Variants in SLCO4A1 observed in about 807,000 individuals in gnomAD.
SLCO4A1 encodes solute carrier organic anion transporter family member 4A1.
In SLCO4A1, 51 loss-of-function variants were observed where a neutral mutation model predicts 64.6. That is an observed-to-expected ratio of 0.79 (90% confidence interval 0.63 to 1.00). The LOEUF is 1.00. Among genes scored for constraint, SLCO4A1 ranks in the 50% least tolerant of loss-of-function variants. The pLI, the probability that SLCO4A1 is intolerant of heterozygous loss-of-function variation, is 0.00. For missense variants in SLCO4A1, 919 were observed against 980.5 expected (o/e 0.94, Z 0.84); for synonymous variants, 471 against 444.9 (o/e 1.06, Z -0.74).
chr20:62,668,830 A>G (rs780841703), intron 10 of SLCO4A1, 100 bp from the exon 11 acceptor site: 33 of 1,256,030 alleles, frequency 2.6e-5, no homozygotes, highest in Non-Finnish European at 3.2e-5. Flanking sequence ...GGCCAGTATC[A>G]CCTTCCCAGA....
At position 62,661,728 on chromosome 20, in the gene SLCO4A1, C is replaced by T. The variant is rs181735540; in HGVS notation, c.1121+553C>T. 6.6e-6 allele frequency among the ~76,000 whole-genome samples: 1 copy of T among 152,120 alleles called. No individual in the cohort carries two copies. The highest frequency in any genetic ancestry group is 1.5e-5 in the Non-Finnish European group (1 of 67,962). On this transcript the variant is annotated intron_variant, in intron 5 of 11. Coordinates refer to ENST00000217159, the MANE Select transcript of SLCO4A1 (RefSeq NM_016354.4). The surrounding 1 kb of genome is among the most constrained non-coding windows in gnomAD (Gnocchi z 5.2). ...CCTCTACCCGGCGTGTCCCGCTCAC[C>T]CTCTGGGGAGGTTGCTTGCTTTGCC...
At chr20:62,690,423 C>T (rs996936388), downstream of SLCO4A1, among the ~76,000 whole-genome samples, 5 of 152,180 alleles carry the variant, frequency 3.3e-5, no homozygotes, top group Non-Finnish European at 7.3e-5. Context: ...CCCGGGAATC[C>T]CAGCCACAGA....
intron 2 of SLCO4A1, among the ~76,000 whole-genome samples, chr20:62,678,331 C>T (rs1274968278): frequency 1.3e-5 from 2 of 152,158 alleles, no homozygotes; most frequent in African/African-American, 4.8e-5. Context: ...ATGCCAAGTG[C>T]TGATGAGGAC....
chr20:62,673,633 C>G (rs530782440), downstream of SLCO4A1, among the ~76,000 whole-genome samples: 1 of 144,870 alleles, frequency 6.9e-6, no homozygotes, highest in East Asian at 2.0e-4. Context: ...CGCCACTCTT[C>G]TCAAGGGCTG....
intron 1 of SLCO4A1, among the ~76,000 whole-genome samples, chr20:62,648,164 C>A (rs2427361): frequency 0.49 from 75,169 of 152,188 alleles, 21,337 homozygotes; most frequent in East Asian, 0.75. Flanking sequence ...AACATCCCCC[C>A]TTCCTCCCCT....
chr20:62,667,777 C>T lies in SLCO4A1; in HGVS notation c.1505C>T (p.Ala502Val). ...LLPEGHLNLT[A>V]PCNAACSCQP... ...CCCGAAGGCCACCTGAACCTAACGGCTCCCTGCAACGCTGCCTGCAGCTGC... is the reference window on the plus strand; with the variant it reads ...CCCGAAGGCCACCTGAACCTAACGGTTCCCTGCAACGCTGCCTGCAGCTGC... Residue 502 changes from alanine to valine, a missense_variant, in exon 8 of 12, where the codon GCT becomes GTT. Transcript: ENST00000217159. The T allele has an allele frequency of 1.2e-6, 2 of 1,611,114 alleles. No homozygotes were observed. Among genetic ancestry groups the T allele is most frequent in the Non-Finnish European group, 8.5e-7 (1 of 1,179,476 alleles).
rs990152594 is a variant in SLCO4A1, at chr20:62,678,377, C to T, written n.212-7064C>T. On this transcript the variant is annotated intron_variant and non_coding_transcript_variant, in intron 2 of 2. Coordinates refer to the SLCO4A1 transcript ENST00000466818. The stretch of plus-strand genomic sequence containing the variant: ...GGAACACTCACCCGTCGCCGGTAGA[C>T]GTGGAGAGCAATACGGCCGCTCGGG... Among the ~76,000 whole-genome samples the T allele has an allele frequency of 7.2e-5, 11 of 152,228 alleles. No homozygotes were observed. In the East Asian group the frequency reaches 9.7e-4, roughly 13 times the overall value.
In SLCO4A1 at chr20:62,671,977, G is replaced by T; in HGVS notation, c.*84G>T. On this transcript the variant is annotated 3_prime_UTR_variant, in exon 12 of 12. Transcript: ENST00000217159. ...GTGCCGTTGGGTGATGCAATCACAC[G>T]GGAACTTCTATTTGACCTGCAACCT... The T allele has an allele frequency of 6.3e-7, 1 of 1,598,520 alleles. No homozygotes were observed. Among genetic ancestry groups the T allele is most frequent in the South Asian group, 1.1e-5 (1 of 90,980 alleles).
intron 1 of SLCO4A1, among the ~76,000 whole-genome samples, chr20:62,653,736 C>T (rs796789338): frequency 1.5e-4 from 23 of 152,316 alleles, no homozygotes; most frequent in African/African-American, 4.8e-4. Context: ...TGTTTGCCTC[C>T]GTGGGGGCTG....
rs568628621 is a variant in SLCO4A1 at position 62,657,585 on chromosome 20, C to T, written c.796+335C>T. Among the ~76,000 whole-genome samples the T allele has an allele frequency of 5.3e-5, 8 of 152,354 alleles. No homozygotes were observed. The East Asian group carries it at 1.2e-3, about 22-fold the overall frequency. ...CGCTGGGTGGCACCAGGTCCAATGG[C>T]GGCAGACCTCATGCTCCGGCTGGGA... On this transcript the variant is annotated intron_variant, in intron 2 of 11. Coordinates refer to ENST00000217159, the MANE Select transcript of SLCO4A1 (RefSeq NM_016354.4).
At chr20:62,678,957 G>A (rs568785644) in intron 2 of SLCO4A1, among the ~76,000 whole-genome samples, 5 of 152,284 alleles carry the variant, frequency 3.3e-5, no homozygotes, top group South Asian at 2.1e-4. Flanking sequence ...GGTGGCTCGC[G>A]CCTATAATGC....
chr20:62,646,114 A>C (rs897924867), intron 1 of SLCO4A1, among the ~76,000 whole-genome samples: 4 of 152,060 alleles, frequency 2.6e-5, no homozygotes, highest in African/African-American at 9.7e-5. Flanking sequence ...AAGCTCCCCG[A>C]GGGCCCTTCT....
rs78307891 is a variant in SLCO4A1, at chr20:62,668,364, G to T, written c.1812-113G>T. 73 of 1,094,756 alleles carry T rather than the reference G, an allele frequency of 6.7e-5. No individual in the cohort carries two copies. The South Asian group carries it at 7.4e-4, about 11-fold the overall frequency. 67.8% of individuals were successfully genotyped at this position (1,094,756 alleles called of 1,614,324 possible). A position where few individuals can be genotyped will look rare whatever the true frequency, so the allele number is the denominator to read the frequency against. On this transcript the variant is annotated intron_variant, in intron 9 of 11. Coordinates refer to ENST00000217159, the MANE Select transcript of SLCO4A1 (RefSeq NM_016354.4). ...ATCTCTGACGAGGGGCTTCCCACTT[G>T]GGGGGGGGTGATGATGTGGCTGGGG...
chr20:62,662,538 A>G (rs1484076555), intron 5 of SLCO4A1, among the ~76,000 whole-genome samples: 1 of 152,234 alleles, frequency 6.6e-6, no homozygotes, highest in Non-Finnish European at 1.5e-5. Context: ...AAATCATGGG[A>G]CATGTTCCCT....
chr20:62,643,267 C>T (rs570853006), intron 1 of SLCO4A1: 9 of 332,532 alleles, frequency 2.7e-5, no homozygotes, highest in South Asian at 2.0e-4. Context: ...CCTCGCGTTG[C>T]TGTTGGGCTC....
At chr20:62,657,332 G>A in intron 2 of SLCO4A1, 82 bp downstream of exon 2, 4 of 1,291,612 alleles carry the variant, frequency 3.1e-6, no homozygotes, top group East Asian at 2.6e-5. Flanking sequence ...GCCGGAGCCA[G>A]CCCCGCCCCC....
At chr20:62,659,355 A>G (rs1399625493) in intron 3 of SLCO4A1, among the ~76,000 whole-genome samples, 1 of 152,048 alleles carries the variant, frequency 6.6e-6, no homozygotes, top group East Asian at 1.9e-4. Flanking sequence ...TCCCTTGCCC[A>G]TCCTGCACTT....
chr20:62,660,761 G>T (rs1056951583), intron 4 of SLCO4A1, among the ~76,000 whole-genome samples: 1 of 152,178 alleles, frequency 6.6e-6, no homozygotes, highest in African/African-American at 2.4e-5. Flanking sequence ...TGCCCCAGCG[G>T]CTTCTCCCCC....
chr20:62,688,973 C>A (rs143374290), downstream of SLCO4A1, among the ~76,000 whole-genome samples: 1 of 152,364 alleles, frequency 6.6e-6, no homozygotes, highest in Non-Finnish European at 1.5e-5. Context: ...TCAGGCTCAT[C>A]ACAAAAGCTC....
Sources: allele counts gnomAD v4.1 joint callset (sites outside exome capture counted in the v4.1 genomes callset), GRCh38; gene constraint gnomAD v4.1.1; non-coding constraint Gnocchi (gnomAD v3.1); transcripts MANE v1.5; gene names NCBI Gene and HGNC (gene_info 2026-07-23, HGNC 2026-07-21).